The following TNKS variants were observed in gnomAD, a reference collection of about 807,000 sequenced individuals.
TNKS encodes the protein poly [ADP-ribose] polymerase tankyrase-1.
A neutral mutation model predicts 135.8 loss-of-function variants in TNKS; 72 were observed. That is an observed-to-expected ratio of 0.53 (90% CI 0.44 to 0.64). The LOEUF is 0.64. Among genes scored for constraint, TNKS ranks in the 30% least tolerant of loss-of-function variants. The pLI, the probability that TNKS is intolerant of heterozygous loss-of-function variation, is 0.00. For missense variants in TNKS, 1,769 were observed against 1,674.0 expected, an observed-to-expected ratio of 1.06 and a Z score of -0.99; for synonymous variants, 849 against 649.3, an observed-to-expected ratio of 1.31 and a Z score of -4.68.
intron 11 of TNKS, among the ~76,000 whole-genome samples, chr8:9,719,224 A>G (rs554952981): frequency 4.4e-4 from 67 of 152,320 alleles, no homozygotes; most frequent in African/African-American, 1.5e-3. Context: ...TTTCCTGAGT[A>G]AGTACAACAG....
intron 5 of TNKS, among the ~76,000 whole-genome samples, chr8:9,690,785 C>T (rs910932684): frequency 3.9e-5 from 6 of 152,134 alleles, no homozygotes; most frequent in Non-Finnish European, 7.4e-5. Context: ...AATTCTTTAG[C>T]TGTTAAAATG....
chr8:9,633,573 A>C (rs1415881895), intron 3 of TNKS, among the ~76,000 whole-genome samples: 1 of 152,200 alleles, frequency 6.6e-6, no homozygotes, highest in Non-Finnish European at 1.5e-5. Context: ...GTCCCCTCCC[A>C]CATTGTAGAA....
In TNKS at chr8:9,604,504, G is replaced by A. The variant is rs7014500; in HGVS notation, c.899-11078G>A. On this transcript the variant is annotated intron_variant, in intron 2 of 26. Coordinates refer to ENST00000310430, the MANE Select transcript of TNKS (RefSeq NM_003747.3). Reference sequence around the variant, plus strand: ...TAAGTATCTGCCTAACATATATAACGTATATTAAGCTAGGCTCACTAAAAT... The same window carrying A: ...TAAGTATCTGCCTAACATATATAACATATATTAAGCTAGGCTCACTAAAAT... 8.4e-3 allele frequency among the ~76,000 whole-genome samples: 1,271 copies of A among 152,046 alleles called. 14 individuals carry two copies. The highest frequency in any genetic ancestry group is 0.029 in the African/African-American group (1,215 of 41,504).
At chr8:9,567,454 C>G (rs1001262758) in intron 1 of TNKS, among the ~76,000 whole-genome samples, 1 of 152,144 alleles carries the variant, frequency 6.6e-6, no homozygotes, top group African/African-American at 2.4e-5. Context: ...CTCGCTCTGT[C>G]GCCCAGGCTG....
chr8:9,650,466 C>T (rs983579963), intron 3 of TNKS, among the ~76,000 whole-genome samples: 1 of 152,142 alleles, frequency 6.6e-6, no homozygotes, highest in African/African-American at 2.4e-5. Flanking sequence ...TTCACCATAT[C>T]CACACCAACA....
At chr8:9,696,947 A>G (rs892217102) in intron 5 of TNKS, among the ~76,000 whole-genome samples, 2 of 152,172 alleles carry the variant, frequency 1.3e-5, no homozygotes, top group African/African-American at 2.4e-5. Context: ...ATTAGAAAAA[A>G]CTATTCTAAA....
chr8:9,586,417 G>A (rs191695226), intron 2 of TNKS, among the ~76,000 whole-genome samples: 123 of 152,050 alleles, frequency 8.1e-4, no homozygotes, highest in African/African-American at 2.8e-3. Context: ...TAGGATTTCT[G>A]CTGTTTTTTT....
At chr8:9,772,735 C>A (rs553391377) in intron 26 of TNKS, among the ~76,000 whole-genome samples, 2 of 151,060 alleles carry the variant, frequency 1.3e-5, no homozygotes, top group East Asian at 3.9e-4. Flanking sequence ...TATATACTGG[C>A]ATATTTAGGG....
chr8:9,770,147 T>G lies in TNKS; in HGVS notation c.3782T>G (p.Leu1261Arg). ...FCRVTLGKSF[L>R]QFSTMKMAHA... ...AGAGTGACCCTTGGGAAATCCTTTC[T>G]GCAGTTTAGCACCATGAAAATGGCC... The change falls in exon 26 of 27, where the codon CTG becomes CGG. Residue 1261 changes from leucine to arginine, a missense_variant. By Grantham distance (102) the Leu-to-Arg change is moderately radical. Around this residue, in one of 5 missense-constraint regions of TNKS, gnomAD observed 722 missense variants for 688.9 expected, o/e 1.05. Coordinates refer to ENST00000310430, the MANE Select transcript of TNKS (RefSeq NM_003747.3). 1 of 1,613,370 alleles carries G rather than the reference T, an allele frequency of 6.2e-7. No homozygotes were observed. The highest frequency in any genetic ancestry group is 8.5e-7 in the Non-Finnish European group (1 of 1,179,908).
intron 5 of TNKS, 61 bp downstream of exon 5, chr8:9,680,861 CATAT>C: frequency 8.1e-7 from 1 of 1,236,536 alleles, no homozygotes; most frequent in Admixed American, 1.7e-5. Flanking sequence ...GTGAATGTGG[CATAT>C]ATATATATAA....
chr8:9,695,094 A>G (rs982547738), intron 5 of TNKS, among the ~76,000 whole-genome samples: 2 of 152,182 alleles, frequency 1.3e-5, no homozygotes, highest in South Asian at 2.1e-4. Flanking sequence ...TGGATTAAGT[A>G]TGTGATAATA....
At chr8:9,755,909 G>T (rs1026034555) in intron 20 of TNKS, among the ~76,000 whole-genome samples, 1 of 152,102 alleles carries the variant, frequency 6.6e-6, no homozygotes, top group African/African-American at 2.4e-5. Flanking sequence ...AAACTAAATT[G>T]TCCTGTTTCC....
chr8:9,628,300 C>T (rs1408865919), intron 3 of TNKS, among the ~76,000 whole-genome samples: 2 of 152,190 alleles, frequency 1.3e-5, no homozygotes, highest in Admixed American at 1.3e-4. Context: ...GAACTAAACT[C>T]ACCTGGTACT....
At chr8:9,575,453 C>T in intron 1 of TNKS, 1 of 981,510 alleles carries the variant, frequency 1.0e-6, no homozygotes, top group African/African-American at 1.8e-5. Context: ...GTTATACTAA[C>T]AAATAGACAA....
intron 2 of TNKS, among the ~76,000 whole-genome samples, chr8:9,599,856 T>G (rs1333872298): frequency 6.6e-6 from 1 of 152,168 alleles, no homozygotes; most frequent in Non-Finnish European, 1.5e-5. Context: ...AAAATTGAAT[T>G]GGAAGATTCT....
At chr8:9,756,105 C>G (rs1365181456) in intron 20 of TNKS, among the ~76,000 whole-genome samples, 3 of 152,196 alleles carry the variant, frequency 2.0e-5, no homozygotes, top group Non-Finnish European at 2.9e-5. Context: ...AACATAAATG[C>G]TATCACTTGG....
intron 3 of TNKS, among the ~76,000 whole-genome samples, chr8:9,657,747 C>T (rs1801471443): frequency 1.4e-5 from 2 of 141,958 alleles, no homozygotes; most frequent in African/African-American, 5.2e-5. Flanking sequence ...CGCCCCTCAC[C>T]TCCCGGACGG....
At chr8:9,616,365 G>GAAAAA (rs1799645764) in intron 3 of TNKS, among the ~76,000 whole-genome samples, 1 of 152,028 alleles carries the variant, frequency 6.6e-6, no homozygotes, top group Admixed American at 6.6e-5. Flanking sequence ...ATGCTGCATT[G>GAAAAA]GATCTATTTT....
intron 1 of TNKS, among the ~76,000 whole-genome samples, chr8:9,578,611 G>A (rs985142627): frequency 2.0e-4 from 30 of 152,162 alleles, no homozygotes; most frequent in African/African-American, 6.8e-4. Flanking sequence ...TCTATAGATA[G>A]CATGGAAGAC....
Sources: allele counts gnomAD v4.1 joint callset (sites outside exome capture counted in the v4.1 genomes callset), GRCh38; gene constraint gnomAD v4.1.1; regional missense constraint gnomAD v4.1.1; transcripts MANE v1.5; gene names NCBI Gene and HGNC (gene_info 2026-07-23, HGNC 2026-07-21).